The following ARK2C variants were observed in gnomAD, a reference collection of about 807,000 sequenced individuals.
The protein encoded by ARK2C is arkadia (RNF111) C-terminal like ring finger ubiquitin ligase 2C, also known as E3 ubiquitin-protein ligase ARK2C.
chr18:46,344,694 G>A, the ARK2C span, among the ~76,000 whole-genome samples: 1 of 152,240 alleles, frequency 6.6e-6, no homozygotes, highest in Admixed American at 6.5e-5. Flanking sequence ...CCCTCTGCCT[G>A]TGACGTTTGG....
the ARK2C span, among the ~76,000 whole-genome samples, chr18:46,378,746 G>A: frequency 6.6e-6 from 1 of 152,186 alleles, no homozygotes; most frequent in Non-Finnish European, 1.5e-5. Context: ...GGCAGAGGGT[G>A]CAAGAGGGTG....
At chr18:46,399,023 C>T in the ARK2C span, among the ~76,000 whole-genome samples, 1 of 152,166 alleles carries the variant, frequency 6.6e-6, no homozygotes, top group South Asian at 2.1e-4. Flanking sequence ...GTTACCACGA[C>T]ACCCGGGAGT....
chr18:46,336,053 G>C, the ARK2C span: 1 of 985,378 alleles, frequency 1.0e-6, no homozygotes, highest in East Asian at 1.1e-4. Context: ...ATGGGGGTGA[G>C]GGGGAGTGGG....
the ARK2C span, among the ~76,000 whole-genome samples, chr18:46,409,474 AC>A: frequency 6.6e-6 from 1 of 152,224 alleles, no homozygotes; most frequent in Non-Finnish European, 1.5e-5. Context: ...TGAAGAAATG[AC>A]ACTGAGAATC....
the ARK2C span, among the ~76,000 whole-genome samples, chr18:46,388,738 AG>A: frequency 7.9e-5 from 12 of 152,196 alleles, no homozygotes; most frequent in Non-Finnish European, 1.5e-4. Flanking sequence ...CTTTTTCAGA[AG>A]GTGGGCTCAG....
the ARK2C span, among the ~76,000 whole-genome samples, chr18:46,344,406 T>A: frequency 1.3e-5 from 1 of 75,038 alleles, no homozygotes; most frequent in African/African-American, 5.2e-5. Context: ...TCCTCCCCCA[T>A]GCCACCCCCT....
chr18:46,454,189 A>C, the ARK2C span, among the ~76,000 whole-genome samples: 1 of 151,938 alleles, frequency 6.6e-6, no homozygotes, highest in South Asian at 2.1e-4. Context: ...AGACAGCAAA[A>C]CAAGGTAATA....
the ARK2C span, among the ~76,000 whole-genome samples, chr18:46,412,060 T>C: frequency 0.028 from 4,212 of 152,308 alleles, 96 homozygotes; most frequent in East Asian, 0.094. Context: ...TATTTTTAAA[T>C]GCCCTCTCTT....
the ARK2C span, among the ~76,000 whole-genome samples, chr18:46,435,653 G>C: frequency 6.6e-6 from 1 of 152,242 alleles, no homozygotes; most frequent in Non-Finnish European, 1.5e-5. Flanking sequence ...TGGTCCTGCA[G>C]TGGGGGAGGG....
At chr18:46,348,677 G>A in the ARK2C span, among the ~76,000 whole-genome samples, 1 of 152,148 alleles carries the variant, frequency 6.6e-6, no homozygotes, top group African/African-American at 2.4e-5. Flanking sequence ...CAGTGTCCAA[G>A]CAAGCACTGG....
chr18:46,446,655 A>T, the ARK2C span, among the ~76,000 whole-genome samples: 2 of 134,730 alleles, frequency 1.5e-5, no homozygotes, highest in East Asian at 4.8e-4. Flanking sequence ...TGTGTGACAG[A>T]GCGAGACTCC....
the ARK2C span, among the ~76,000 whole-genome samples, chr18:46,403,557 C>T: frequency 2.6e-5 from 4 of 152,100 alleles, no homozygotes; most frequent in Non-Finnish European, 5.9e-5. Context: ...TGAATGCTTC[C>T]GTATGCAATG....
At chr18:46,395,629 T>A in the ARK2C span, among the ~76,000 whole-genome samples, 1 of 152,248 alleles carries the variant, frequency 6.6e-6, no homozygotes, top group East Asian at 1.9e-4. Context: ...AAGTCCGGGA[T>A]TTTACCATAA....
chr18:46,384,413 T>A, the ARK2C span, among the ~76,000 whole-genome samples: 54 of 152,364 alleles, frequency 3.5e-4, no homozygotes, highest in East Asian at 0.01. Flanking sequence ...TCTTCAGAGA[T>A]CTGCCCCTAG....
At chr18:46,383,771 G>T in the ARK2C span, among the ~76,000 whole-genome samples, 1 of 151,862 alleles carries the variant, frequency 6.6e-6, no homozygotes, top group Non-Finnish European at 1.5e-5. Flanking sequence ...GGCCAGGATG[G>T]TCTTGATCTG....
the ARK2C span, among the ~76,000 whole-genome samples, chr18:46,404,402 C>T: frequency 6.6e-6 from 1 of 152,118 alleles, no homozygotes; most frequent in East Asian, 1.9e-4. Flanking sequence ...GCACCTTTTT[C>T]GTGTGGGACA....
the ARK2C span, among the ~76,000 whole-genome samples, chr18:46,411,458 T>C: frequency 2.6e-5 from 4 of 152,240 alleles, no homozygotes; most frequent in Non-Finnish European, 5.9e-5. Context: ...AGGATTTGCA[T>C]GGAGCCATTT....
the ARK2C span, among the ~76,000 whole-genome samples, chr18:46,368,406 C>T: frequency 2.6e-5 from 4 of 152,130 alleles, no homozygotes; most frequent in Middle Eastern, 3.2e-3. Flanking sequence ...GGGTGGGAAA[C>T]GAAGACTTCC....
chr18:46,423,452 G>T, the ARK2C span, among the ~76,000 whole-genome samples: 2 of 152,220 alleles, frequency 1.3e-5, no homozygotes, highest in African/African-American at 4.8e-5. Context: ...TTACTCCTAG[G>T]GGAACTCAGG....
Sources: gnomAD v4.1 joint callset for allele counts (sites outside exome capture counted in the v4.1 genomes callset) on GRCh38, gnomAD v4.1.1 for gene constraint, MANE v1.5 for transcripts, NCBI Gene and HGNC (gene_info 2026-07-23, HGNC 2026-07-21) for gene names.